The following ALPK1 variants were observed in gnomAD, a reference collection of about 807,000 sequenced individuals.
ALPK1 encodes the protein alpha kinase 1.
Under a neutral mutation model 120.6 loss-of-function variants are expected in ALPK1, and 110 were observed. The ratio of observed to expected loss-of-function variants is 0.91; its 90% CI spans 0.78 to 1.07. The LOEUF is 1.07. ALPK1 is among the 50% of genes least tolerant of loss of function. The probability of loss-of-function intolerance (pLI) is 0.00; values close to 1 mark genes in which losing one functional copy is unlikely to be tolerated. For synonymous variants in ALPK1, 582 were observed against 560.3 expected, an observed-to-expected ratio of 1.04 and a Z score of -0.55; for missense variants, 1,498 against 1,483.9, an observed-to-expected ratio of 1.01 and a Z score of -0.16.
chr4:112,358,836 C>G (rs1730773739), intron 2 of ALPK1: 3 of 801,228 alleles, frequency 3.7e-6, no homozygotes, highest in Non-Finnish European at 6.8e-6. Context: ...CACCTTCACC[C>G]AGGCCCTGCA....
At chr4:112,328,923 G>A (rs1358501822) in intron 2 of ALPK1, among the ~76,000 whole-genome samples, 2 of 152,132 alleles carry the variant, frequency 1.3e-5, no homozygotes, top group African/African-American at 2.4e-5. Context: ...AGAGAGCCTC[G>A]CAGCTTGTGG....
chr4:112,334,061 G>A (rs1372277156), intron 2 of ALPK1, among the ~76,000 whole-genome samples: 5 of 151,580 alleles, frequency 3.3e-5, no homozygotes, highest in Non-Finnish European at 7.4e-5. Context: ...ACTGTGTAAC[G>A]AACACCCTCA....
At chr4:112,418,155 C>T (rs974904557) in intron 5 of ALPK1, among the ~76,000 whole-genome samples, 3 of 152,206 alleles carry the variant, frequency 2.0e-5, no homozygotes, top group Non-Finnish European at 2.9e-5. Flanking sequence ...CTCATACCTA[C>T]GCACACCACG....
chr4:112,334,475 T>C (rs1177673907), intron 2 of ALPK1, among the ~76,000 whole-genome samples: 2 of 151,972 alleles, frequency 1.3e-5, no homozygotes. Flanking sequence ...AAGGCAGTTT[T>C]CCCTGTCCAT....
chr4:112,432,329 TCA>T lies in ALPK1; in HGVS notation c.2783_2784del (p.Ser928CysfsTer15). ...LNCSQNSSSSSVWWLKSPAFS... is the reference protein window; with the variant it reads ...LNCSQNSSSSXVWWLKSPAFS... ...CTGCAGCCAGAACTCCAGCTCATCC[TCA>T]GTGTGGTGGCTGAAATCACCTGCAT... On this transcript the variant is annotated frameshift_variant, in exon 11 of 16. Coordinates refer to ENST00000650871, the MANE Select transcript of ALPK1 (RefSeq NM_025144.4). LOFTEE classifies it high-confidence loss of function. 6.2e-7 allele frequency: 1 copy of T among 1,614,216 alleles called. No homozygotes were observed. Among genetic ancestry groups the T allele is most frequent in the Admixed American group, 1.7e-5 (1 of 60,026 alleles).
At chr4:112,325,346 A>G (rs1469016686) in intron 2 of ALPK1, among the ~76,000 whole-genome samples, 5 of 152,242 alleles carry the variant, frequency 3.3e-5, no homozygotes, top group Non-Finnish European at 7.3e-5. Context: ...CAAATCAAAG[A>G]TCATATGAAT....
intron 4 of ALPK1, among the ~76,000 whole-genome samples, chr4:112,407,107 C>T (rs1180148934): frequency 6.6e-6 from 1 of 152,178 alleles, no homozygotes; most frequent in Non-Finnish European, 1.5e-5. Context: ...AGGTGTCACA[C>T]CTCTTCACCC....
intron 4 of ALPK1, chr4:112,383,634 T>A (rs909318561): frequency 6.6e-6 from 1 of 152,162 alleles, no homozygotes; most frequent in African/African-American, 2.4e-5. Context: ...TTTAAATAAA[T>A]GTGGTCAGTA....
At chr4:112,357,654 G>T in intron 2 of ALPK1, 1 of 1,608,266 alleles carries the variant, frequency 6.2e-7, no homozygotes, top group South Asian at 1.1e-5. Context: ...ACCAGATCTG[G>T]GTGGGGATCA....
At chr4:112,301,512 T>G (rs1354682844) in intron 1 of ALPK1, among the ~76,000 whole-genome samples, 1 of 152,180 alleles carries the variant, frequency 6.6e-6, no homozygotes, top group Non-Finnish European at 1.5e-5. Flanking sequence ...GCTCTCCTTC[T>G]AGCTTTCTGC....
At chr4:112,407,109 T>C (rs1472490721) in intron 4 of ALPK1, among the ~76,000 whole-genome samples, 1 of 152,198 alleles carries the variant, frequency 6.6e-6, no homozygotes, top group Non-Finnish European at 1.5e-5. Context: ...GTGTCACACC[T>C]CTTCACCCTT....
At chr4:112,347,305 T>C (rs1730141373) in intron 2 of ALPK1, among the ~76,000 whole-genome samples, 1 of 152,250 alleles carries the variant, frequency 6.6e-6, no homozygotes. Context: ...GTCTAACTTC[T>C]GGCACGTAAT....
intron 4 of ALPK1, among the ~76,000 whole-genome samples, chr4:112,393,046 T>A (rs1176311077): frequency 2.0e-5 from 3 of 152,176 alleles, no homozygotes; most frequent in African/African-American, 7.2e-5. Context: ...GGAGCCCAGA[T>A]TGATGAAACA....
intron 2 of ALPK1, among the ~76,000 whole-genome samples, chr4:112,332,545 T>G (rs6820941): frequency 0.67 from 102,426 of 152,088 alleles, 34,938 homozygotes; most frequent in East Asian, 0.89. Flanking sequence ...GGCCATGGTC[T>G]ATGTCCTGTG....
At chr4:112,310,742 G>A (rs73843069) in intron 1 of ALPK1, among the ~76,000 whole-genome samples, 12,638 of 151,900 alleles carry the variant, frequency 0.083, 849 homozygotes, top group Admixed American at 0.21. Flanking sequence ...GGATAACAAC[G>A]TCCATTTTCC....
At chr4:112,309,143 T>C (rs979152276) in intron 1 of ALPK1, among the ~76,000 whole-genome samples, 2 of 152,088 alleles carry the variant, frequency 1.3e-5, no homozygotes, top group Non-Finnish European at 2.9e-5. Flanking sequence ...CCGTGTGAGG[T>C]GTCAGTCTGC....
intron 4 of ALPK1, among the ~76,000 whole-genome samples, chr4:112,406,785 A>G (rs1158380150): frequency 6.6e-6 from 1 of 152,218 alleles, no homozygotes; most frequent in Non-Finnish European, 1.5e-5. Flanking sequence ...TAAGACCTGT[A>G]CCTGGAAGGA....
intron 2 of ALPK1, among the ~76,000 whole-genome samples, chr4:112,320,947 T>A (rs192780775): frequency 0.08 from 11,950 of 149,394 alleles, 769 homozygotes; most frequent in Admixed American, 0.2. Context: ...CCCAGGCTGT[T>A]GTGCAGTGGC....
rs550559888 is a variant in ALPK1 at position 112,372,403 on chromosome 4, C to T, written c.-100-5275C>T. ...AATTTTTTGTATTTTTAGTAAAGAC[C>T]GGGTTTCTCCGTAGCCAGGATGGTC... On this transcript the variant is annotated intron_variant, in intron 2 of 15. Transcript: ENST00000650871. 6.9e-4 allele frequency among the ~76,000 whole-genome samples: 105 copies of T among 151,938 alleles called. 1 individual carries two copies. In the South Asian group the frequency reaches 0.017, roughly 25 times the overall value.
Sources: gnomAD v4.1 joint callset for allele counts (sites outside exome capture counted in the v4.1 genomes callset) on GRCh38, gnomAD v4.1.1 for gene constraint, MANE v1.5 for transcripts, NCBI Gene and HGNC (gene_info 2026-07-23, HGNC 2026-07-21) for gene names.